The following ZNF532 variants were observed in gnomAD, a reference collection of about 807,000 sequenced individuals.
ZNF532 encodes the protein zinc finger protein 532.
In ZNF532, 22 loss-of-function variants were observed where a neutral mutation model predicts 89.3. That is an observed-to-expected ratio of 0.25 (90% CI 0.18 to 0.35). The LOEUF (loss-of-function observed/expected upper bound fraction) is 0.35. ZNF532 is among the 10% of genes least tolerant of loss of function. The pLI, the probability that ZNF532 is intolerant of heterozygous loss-of-function variation, is 1.00. For synonymous variants in ZNF532, 606 were observed against 649.6 expected (o/e 0.93, Z 1.02); for missense variants, 1,132 against 1,643.4 (o/e 0.69, Z 5.38).
At chr18:58,957,810 TC>T (rs1480196695) in intron 7 of ZNF532, among the ~76,000 whole-genome samples, 1 of 152,166 alleles carries the variant, frequency 6.6e-6, no homozygotes, top group African/African-American at 2.4e-5. Flanking sequence ...ATGCCTGTAA[TC>T]CCAGCACTTT....
chr18:58,981,740 C>T (rs1044101495), intron 9 of ZNF532, 123 bp downstream of exon 9: 55 of 1,322,372 alleles, frequency 4.2e-5, no homozygotes, highest in Non-Finnish European at 5.2e-5. Context: ...TGGCTGGGTG[C>T]GGTGGCTCAT....
intron 2 of ZNF532, among the ~76,000 whole-genome samples, chr18:58,906,753 A>G (rs531853214): frequency 1.1e-4 from 16 of 152,320 alleles, no homozygotes; most frequent in African/African-American, 3.8e-4. Context: ...CTAATACAAA[A>G]TTATTATTAC....
At chr18:58,904,848 T>G (rs1372190823) in intron 2 of ZNF532, among the ~76,000 whole-genome samples, 2 of 151,426 alleles carry the variant, frequency 1.3e-5, no homozygotes, top group Non-Finnish European at 3.0e-5. Flanking sequence ...CTTTTTTTTT[T>G]TTTTTTGGTT....
At chr18:58,963,087 C>G (rs1215420767) in intron 7 of ZNF532, among the ~76,000 whole-genome samples, 3 of 152,112 alleles carry the variant, frequency 2.0e-5, no homozygotes, top group East Asian at 1.9e-4. Flanking sequence ...AGGTTGATCT[C>G]AAGTGTATTT....
rs2056776237 is a variant in ZNF532, at chr18:58,869,409, G to C, written c.-18+3830G>C. ...TAGCCAAAAGTGGAAACAGAAAACT[G>C]CAAGTGGTAAAATATCCTTTATTTC... On this transcript the variant is annotated intron_variant, in intron 2 of 9. Coordinates refer to ENST00000591808, the MANE Select transcript of ZNF532 (RefSeq NM_001375912.1). 3.3e-5 allele frequency among the ~76,000 whole-genome samples: 5 copies of C among 152,326 alleles called. No homozygotes were observed. In the South Asian group the frequency reaches 1.0e-3, roughly 32 times the overall value.
intron 2 of ZNF532, among the ~76,000 whole-genome samples, chr18:58,910,374 A>G (rs1395193698): frequency 6.6e-6 from 1 of 152,186 alleles, no homozygotes; most frequent in Non-Finnish European, 1.5e-5. Flanking sequence ...ATTTGTATGA[A>G]TGACCAAAAT....
upstream of ZNF532, chr18:58,863,425 GTCCC>G (rs2056128646): frequency 6.9e-6 from 1 of 145,180 alleles, no homozygotes; most frequent in Non-Finnish European, 1.5e-5. Context: ...CCGCCGCCCG[GTCCC>G]GGAGCTCCCT....
chr18:58,907,264 C>A (rs1326775216), intron 2 of ZNF532, among the ~76,000 whole-genome samples: 1 of 152,116 alleles, frequency 6.6e-6, no homozygotes, highest in African/African-American at 2.4e-5. Flanking sequence ...CGGCTCACTG[C>A]AACCTCCGCC....
intron 2 of ZNF532, among the ~76,000 whole-genome samples, chr18:58,880,755 CGCGCGCACGCGCGCG>C (rs1776011523): frequency 1.2e-5 from 1 of 84,308 alleles, no homozygotes; most frequent in Admixed American, 1.1e-4. Flanking sequence ...CTCATAGGCG[CGCGCGCACGCGCGCG>C]CGTCTGTGTG....
intron 2 of ZNF532, among the ~76,000 whole-genome samples, chr18:58,888,714 T>TATATATATATATAAAATTATATATATAA (rs2058498097): frequency 2.0e-5 from 1 of 50,328 alleles, no homozygotes; most frequent in African/African-American, 1.2e-4. Flanking sequence ...TATATATATA[T>TATATATATATATAAAATTATATATATAA]ATATATATAT....
chr18:58,939,357 A>G, intron 4 of ZNF532, 88 bp from the exon 5 acceptor site: 14 of 1,165,170 alleles, frequency 1.2e-5, no homozygotes, highest in Non-Finnish European at 1.7e-5. Flanking sequence ...TAAAAGGGCT[A>G]TGAAAGTGTG....
At chr18:58,904,366 T>C (rs199740493) in intron 2 of ZNF532, among the ~76,000 whole-genome samples, 1 of 127,892 alleles carries the variant, frequency 7.8e-6, no homozygotes, top group Non-Finnish European at 1.6e-5. Context: ...AAAAAAAAAA[T>C]AATGTATATG....
At chr18:58,922,710 G>A (rs2061211472) in intron 3 of ZNF532, among the ~76,000 whole-genome samples, 3 of 152,234 alleles carry the variant, frequency 2.0e-5, no homozygotes, top group Non-Finnish European at 4.4e-5. Context: ...CTTCGTGTCT[G>A]TGTCTGCTGG....
intron 7 of ZNF532, among the ~76,000 whole-genome samples, chr18:58,969,144 T>C (rs2066213492): frequency 1.3e-5 from 2 of 152,198 alleles, no homozygotes; most frequent in African/African-American, 4.8e-5. Context: ...GTAGGACTTT[T>C]TGCAGAGCAC....
At chr18:58,957,969 G>A (rs1338967454) in intron 7 of ZNF532, among the ~76,000 whole-genome samples, 2 of 151,790 alleles carry the variant, frequency 1.3e-5, no homozygotes, top group African/African-American at 2.4e-5. Flanking sequence ...GGGAGGCTGA[G>A]GCACGAGAAT....
chr18:58,976,676 G>T (rs189125587), intron 7 of ZNF532, among the ~76,000 whole-genome samples: 358 of 152,126 alleles, frequency 2.4e-3, no homozygotes, highest in Middle Eastern at 6.8e-3. Context: ...GGGATTATAG[G>T]CACCTGCCAT....
chr18:58,936,984 C>T (rs2062531422), intron 4 of ZNF532, among the ~76,000 whole-genome samples: 1 of 152,160 alleles, frequency 6.6e-6, no homozygotes, highest in Non-Finnish European at 1.5e-5. Flanking sequence ...TCTCCTCTTG[C>T]TCATATTACA....
chr18:58,981,140 CAG>C, intron 8 of ZNF532: 1 of 277,178 alleles, frequency 3.6e-6, no homozygotes, highest in South Asian at 4.4e-5. Context: ...AGGCAGAGGA[CAG>C]GGATAATTAA....
chr18:58,906,371 C>G (rs1031410175), intron 2 of ZNF532, among the ~76,000 whole-genome samples: 4 of 152,110 alleles, frequency 2.6e-5, no homozygotes, highest in African/African-American at 9.7e-5. Context: ...TCGGATTGTT[C>G]CAGTTTTCCA....
Sources: gnomAD v4.1 joint callset for allele counts (sites outside exome capture counted in the v4.1 genomes callset) on GRCh38, gnomAD v4.1.1 for gene constraint, MANE v1.5 for transcripts, NCBI Gene and HGNC (gene_info 2026-07-23, HGNC 2026-07-21) for gene names.